Variants in LYPLAL1 observed in about 807,000 individuals in gnomAD.
LYPLAL1 encodes the protein lysophospholipase like 1.
A neutral mutation model predicts 19.7 loss-of-function variants in LYPLAL1; 23 were observed. The observed-to-expected ratio is 1.17, with a 90% CI of 0.84 to 1.65. LYPLAL1 has a LOEUF of 1.65. Ranked by LOEUF, LYPLAL1 falls within the 40% of genes most tolerant of loss-of-function variation. The pLI is 0.00. For synonymous variants in LYPLAL1, 119 were observed against 96.3 expected, an observed-to-expected ratio of 1.24 and a Z score of -1.38; for missense variants, 355 against 279.4, an observed-to-expected ratio of 1.27 and a Z score of -1.93.
chr1:219,234,736 A>G, the LYPLAL1 span, among the ~76,000 whole-genome samples: 1 of 152,156 alleles, frequency 6.6e-6, no homozygotes, highest in East Asian at 1.9e-4. Flanking sequence ...TCTTTTATAT[A>G]GGTCATTTAT....
chr1:219,326,156 C>T, the LYPLAL1 span, among the ~76,000 whole-genome samples: 153 of 152,174 alleles, frequency 1.0e-3, no homozygotes, highest in African/African-American at 3.5e-3. Context: ...TCAGGTGACC[C>T]GCCTGCCTCG....
the LYPLAL1 span, among the ~76,000 whole-genome samples, chr1:219,398,584 C>T: frequency 6.6e-6 from 1 of 152,144 alleles, no homozygotes; most frequent in African/African-American, 2.4e-5. Context: ...AGTTCAGACC[C>T]TTGCTGAGGA....
intron 2 of LYPLAL1, among the ~76,000 whole-genome samples, chr1:219,187,934 T>A (rs1656856995): frequency 6.6e-6 from 1 of 151,770 alleles, no homozygotes. Context: ...TATGGAAAAG[T>A]TTTCTTAGAT....
At chr1:219,224,767 C>T in the LYPLAL1 span, among the ~76,000 whole-genome samples, 3 of 152,152 alleles carry the variant, frequency 2.0e-5, no homozygotes, top group African/African-American at 7.2e-5. Flanking sequence ...TGGTCTCTCC[C>T]TCTGCCTCAG....
the LYPLAL1 span, among the ~76,000 whole-genome samples, chr1:219,382,102 A>C: frequency 2.6e-5 from 4 of 152,344 alleles, no homozygotes; most frequent in African/African-American, 4.8e-5. Context: ...GGTGCAAAAA[A>C]GAGACACAGT....
At chr1:219,364,015 AAAAG>A in the LYPLAL1 span, among the ~76,000 whole-genome samples, 3 of 152,156 alleles carry the variant, frequency 2.0e-5, no homozygotes, top group African/African-American at 7.2e-5. Context: ...TCCCACTTAA[AAAAG>A]AAAGAAAGAA....
the LYPLAL1 span, among the ~76,000 whole-genome samples, chr1:219,419,588 C>CAGAGAG: frequency 4.9e-4 from 37 of 75,956 alleles, no homozygotes; most frequent in Admixed American, 1.7e-3. Flanking sequence ...CACACACACA[C>CAGAGAG]ACACACAGAG....
the LYPLAL1 span, among the ~76,000 whole-genome samples, chr1:219,390,389 T>C: frequency 9.9e-5 from 15 of 152,284 alleles, no homozygotes; most frequent in Non-Finnish European, 1.9e-4. Context: ...AAAATCTCAT[T>C]AAATAACCAA....
intron 3 of LYPLAL1, chr1:219,193,473 G>T: frequency 3.5e-6 from 1 of 282,524 alleles, no homozygotes; most frequent in East Asian, 5.8e-5. Flanking sequence ...CGGATTTTGA[G>T]ACTCTTGTGG....
At chr1:219,401,657 A>T in the LYPLAL1 span, among the ~76,000 whole-genome samples, 1 of 152,152 alleles carries the variant, frequency 6.6e-6, no homozygotes, top group East Asian at 1.9e-4. Context: ...CTCTTTTGGA[A>T]GGTATGCCAG....
the LYPLAL1 span, among the ~76,000 whole-genome samples, chr1:219,293,293 G>T: frequency 6.6e-6 from 1 of 152,114 alleles, no homozygotes; most frequent in Non-Finnish European, 1.5e-5. Flanking sequence ...GAGAGAGATA[G>T]TAGAAATGGG....
At chr1:219,260,352 A>G in the LYPLAL1 span, among the ~76,000 whole-genome samples, 1 of 151,842 alleles carries the variant, frequency 6.6e-6, no homozygotes. Context: ...AGAGAAACAA[A>G]GAGTTCCAGT....
chr1:219,235,333 C>G, the LYPLAL1 span, among the ~76,000 whole-genome samples: 1 of 152,118 alleles, frequency 6.6e-6, no homozygotes, highest in Admixed American at 6.6e-5. Context: ...GCACTGAGAA[C>G]ATAACTTTCT....
the LYPLAL1 span, among the ~76,000 whole-genome samples, chr1:219,350,959 G>A: frequency 1.1e-4 from 17 of 152,178 alleles, no homozygotes; most frequent in Middle Eastern, 3.4e-3. Flanking sequence ...TGGGTCAGGG[G>A]CCATTTTCTG....
chr1:219,238,917 G>A, the LYPLAL1 span, among the ~76,000 whole-genome samples: 2 of 152,112 alleles, frequency 1.3e-5, no homozygotes, highest in Non-Finnish European at 2.9e-5. Context: ...CGTAATCAGA[G>A]AAGATACTAT....
the LYPLAL1 span, among the ~76,000 whole-genome samples, chr1:219,307,482 T>TCTCACTCA: frequency 2.2e-4 from 33 of 152,322 alleles, no homozygotes; most frequent in African/African-American, 7.0e-4. Context: ...CACTGAGATA[T>TCTCACTCA]GGGTAGTGTG....
At chr1:219,372,667 A>G in the LYPLAL1 span, among the ~76,000 whole-genome samples, 2 of 152,198 alleles carry the variant, frequency 1.3e-5, no homozygotes, top group Non-Finnish European at 2.9e-5. Flanking sequence ...TGGGAGGCCA[A>G]GGCAGGTGGA....
At chr1:219,339,076 G>C in the LYPLAL1 span, among the ~76,000 whole-genome samples, 1 of 151,942 alleles carries the variant, frequency 6.6e-6, no homozygotes, top group African/African-American at 2.4e-5. Context: ...TACCACGTCT[G>C]GCCCTGGCAC....
the LYPLAL1 span, among the ~76,000 whole-genome samples, chr1:219,327,642 A>G: frequency 4.3e-4 from 65 of 152,362 alleles, no homozygotes; most frequent in African/African-American, 1.5e-3. Context: ...AGTGTGATAT[A>G]GTTTGGCTGT....
Sources: allele counts gnomAD v4.1 joint callset (sites outside exome capture counted in the v4.1 genomes callset), GRCh38; gene constraint gnomAD v4.1.1; transcripts MANE v1.5; gene names NCBI Gene and HGNC (gene_info 2026-07-23, HGNC 2026-07-21).